The following LRRC4C variants were observed in gnomAD, a reference collection of about 807,000 sequenced individuals.
LRRC4C encodes leucine rich repeat containing 4C, also known as leucine-rich repeat-containing protein 4C.
Under a neutral mutation model 33.6 loss-of-function variants are expected in LRRC4C, and 5 were observed. The ratio of observed to expected loss-of-function variants is 0.15; its 90% confidence interval spans 0.08 to 0.31. The LOEUF is 0.31. Among genes scored for constraint, LRRC4C ranks in the 10% least tolerant of loss-of-function variants. The pLI, the probability that LRRC4C is intolerant of heterozygous loss-of-function variation, is 1.00. For synonymous variants in LRRC4C, 329 were observed against 302.0 expected (o/e 1.09, Z -0.93); for missense variants, 560 against 796.7 (o/e 0.70, Z 3.58).
intron 2 of LRRC4C, among the ~76,000 whole-genome samples, chr11:40,718,501 A>G (rs1185618728): frequency 6.6e-6 from 1 of 152,160 alleles, no homozygotes; most frequent in Non-Finnish European, 1.5e-5. Flanking sequence ...CGCTAAAGGA[A>G]TTTACTCCAT....
At chr11:41,417,674 GT>G (rs1435419535) in intron 1 of LRRC4C, among the ~76,000 whole-genome samples, 1 of 151,896 alleles carries the variant, frequency 6.6e-6, no homozygotes, top group African/African-American at 2.4e-5. Context: ...GGAATATATT[GT>G]TTGAGTTTTA....
At chr11:41,406,599 T>C (rs188645949) in intron 1 of LRRC4C, among the ~76,000 whole-genome samples, 1 of 152,000 alleles carries the variant, frequency 6.6e-6, no homozygotes. Context: ...CTGATGCTTC[T>C]CTCAGGCTTG....
intron 3 of LRRC4C, among the ~76,000 whole-genome samples, chr11:40,512,868 T>G (rs1955387231): frequency 6.6e-6 from 1 of 152,106 alleles, no homozygotes; most frequent in Non-Finnish European, 1.5e-5. Context: ...TTTCAGACAC[T>G]GAGATAGGCA....
intron 1 of LRRC4C, among the ~76,000 whole-genome samples, chr11:41,392,365 T>C (rs1432595043): frequency 6.6e-6 from 1 of 151,838 alleles, no homozygotes; most frequent in Non-Finnish European, 1.5e-5. Flanking sequence ...TCACAACCAT[T>C]TAACAGAGCT....
intron 3 of LRRC4C, among the ~76,000 whole-genome samples, chr11:40,320,387 C>T (rs182297846): frequency 3.7e-4 from 57 of 152,094 alleles, no homozygotes; most frequent in Admixed American, 2.6e-3. Context: ...CGCCTGTAGT[C>T]CCAGCTGCTC....
intron 5 of LRRC4C, among the ~76,000 whole-genome samples, chr11:40,228,612 C>T (rs370428802): frequency 8.5e-5 from 13 of 152,126 alleles, no homozygotes; most frequent in South Asian, 2.1e-4. Flanking sequence ...TTTCCTAAAG[C>T]GCTCCACCAT....
chr11:40,746,801 C>T (rs1948450512), intron 2 of LRRC4C, among the ~76,000 whole-genome samples: 1 of 152,168 alleles, frequency 6.6e-6, no homozygotes, highest in African/African-American at 2.4e-5. Context: ...TACCTGGCTG[C>T]TATACCACAA....
chr11:41,412,565 G>C (rs982788026), intron 1 of LRRC4C, among the ~76,000 whole-genome samples: 2 of 152,084 alleles, frequency 1.3e-5, no homozygotes, highest in African/African-American at 4.8e-5. Flanking sequence ...CACATCTTTC[G>C]TCTGTTCATT....
chr11:41,041,388 ACATTTTAGACTG>A (rs1428154051), intron 1 of LRRC4C, among the ~76,000 whole-genome samples: 2 of 152,196 alleles, frequency 1.3e-5, no homozygotes, highest in African/African-American at 2.4e-5. Context: ...ATATGGATAA[ACATTTTAGACTG>A]CATTTTCTGA....
At chr11:40,529,264 G>T (rs973935139) in intron 3 of LRRC4C, among the ~76,000 whole-genome samples, 3 of 151,890 alleles carry the variant, frequency 2.0e-5, no homozygotes, top group Admixed American at 6.6e-5. Context: ...ATATGCATAC[G>T]TCCAAACTCA....
intron 1 of LRRC4C, among the ~76,000 whole-genome samples, chr11:41,257,959 T>G (rs1000864522): frequency 6.6e-6 from 1 of 151,974 alleles, no homozygotes; most frequent in Non-Finnish European, 1.5e-5. Context: ...TTTCATGGTG[T>G]GTTTGCGTGC....
At chr11:40,641,146 T>G (rs1942099341) in intron 3 of LRRC4C, among the ~76,000 whole-genome samples, 1 of 152,090 alleles carries the variant, frequency 6.6e-6, no homozygotes, top group Admixed American at 6.6e-5. Flanking sequence ...GCACTCTGAA[T>G]ATTTCCATTT....
chr11:40,319,449 C>A (rs772886173), intron 4 of LRRC4C, among the ~76,000 whole-genome samples, 179 bp downstream of exon 4: 3 of 152,132 alleles, frequency 2.0e-5, no homozygotes, highest in Non-Finnish European at 2.9e-5. Context: ...TTATGAAGTT[C>A]GTTTTTGCCG....
chr11:40,225,268 A>C (rs1435220603), intron 5 of LRRC4C, among the ~76,000 whole-genome samples: 1 of 152,212 alleles, frequency 6.6e-6, no homozygotes, highest in Non-Finnish European at 1.5e-5. Flanking sequence ...TGGCCTCTGG[A>C]GACTTTAACA....
intron 2 of LRRC4C, among the ~76,000 whole-genome samples, chr11:40,750,880 T>G (rs2136986633): frequency 6.6e-6 from 1 of 151,844 alleles, no homozygotes; most frequent in Admixed American, 6.6e-5. Context: ...AACAAAATAC[T>G]AATTAACCAA....
At chr11:40,486,026 GA>G (rs1463080910) in intron 3 of LRRC4C, among the ~76,000 whole-genome samples, 1 of 151,636 alleles carries the variant, frequency 6.6e-6, no homozygotes, top group Admixed American at 6.6e-5. Flanking sequence ...TGAGGATCAG[GA>G]AAAATAACAA....
intron 1 of LRRC4C, among the ~76,000 whole-genome samples, chr11:41,325,199 A>G (rs1951072228): frequency 6.6e-6 from 1 of 152,166 alleles, no homozygotes; most frequent in South Asian, 2.1e-4. Context: ...GAGGGAAGAA[A>G]TGGAGGAAGG....
In LRRC4C at chr11:41,452,098, A is replaced by G. The variant is rs533788364; in HGVS notation, c.-496+7333T>C. Among the ~76,000 whole-genome samples, 19 of 152,180 alleles carry G rather than the reference A, an allele frequency of 1.2e-4. No homozygotes were observed. In the South Asian group the frequency reaches 3.9e-3, roughly 32 times the overall value. ...TATTCAAACATTTGTCTCAACTTAT[A>G]TGGATTATTTTCTTTACTTCTTCCA... On this transcript the variant is annotated intron_variant, in intron 1 of 6. Transcript: ENST00000528697.
At chr11:40,680,217 G>C (rs891083776) in intron 2 of LRRC4C, among the ~76,000 whole-genome samples, 2 of 152,186 alleles carry the variant, frequency 1.3e-5, no homozygotes, top group African/African-American at 4.8e-5. Context: ...CCAAATACCT[G>C]TGTCCCCATT....
Sources: gnomAD v4.1 joint callset for allele counts (sites outside exome capture counted in the v4.1 genomes callset) on GRCh38, gnomAD v4.1.1 for gene constraint, MANE v1.5 for transcripts, NCBI Gene and HGNC (gene_info 2026-07-23, HGNC 2026-07-21) for gene names.